Variants in BTAF1 observed in about 807,000 individuals in gnomAD.
BTAF1 encodes B-TFIID TATA-box binding protein associated factor 1, also known as TATA-binding protein-associated factor 172.
BTAF1 carries 38 observed loss-of-function variants against 227.1 expected under a neutral mutation model. The observed-to-expected ratio is 0.17, with a 90% CI of 0.13 to 0.22. The LOEUF (loss-of-function observed/expected upper bound fraction) is 0.22, where lower values mean the gene tolerates loss of function less well. Ranked by LOEUF, BTAF1 falls within the 10% of genes least tolerant of loss-of-function variation. The pLI, the probability that BTAF1 is intolerant of heterozygous loss-of-function variation, is 1.00. For missense variants in BTAF1, 1,598 were observed against 2,204.0 expected (o/e 0.73, Z 5.51); for synonymous variants, 742 against 751.9 (o/e 0.99, Z 0.21).
chr10:91,957,395 T>C, intron 8 of BTAF1, 102 bp downstream of exon 8: 1 of 929,434 alleles, frequency 1.1e-6, no homozygotes, highest in Non-Finnish European at 1.6e-6. Flanking sequence ...TATTCTTCTC[T>C]GTTTGTCTCA....
intron 32 of BTAF1, among the ~76,000 whole-genome samples, chr10:92,015,361 A>G (rs1250009662): frequency 6.6e-6 from 1 of 152,206 alleles, no homozygotes; most frequent in Non-Finnish European, 1.5e-5. Context: ...GGTCAAATGA[A>G]TAAGAGATAT....
intron 34 of BTAF1, among the ~76,000 whole-genome samples, chr10:92,022,436 CCTAGAGAGAGGGTCTTACCCTGTCACTCA>C (rs1284344445): frequency 2.0e-5 from 3 of 151,618 alleles, no homozygotes; most frequent in Non-Finnish European, 4.4e-5. Context: ...TTTTTCTTCT[CCTAGAGAGAGGGTCTTACCCTGTCACTCA>C]GGCTGGAGTA....
chr10:91,935,648 T>C lies in BTAF1; in HGVS notation c.15-9T>C. ...TTTGAGAATAACCATTGTATTTTTG[T>C]TATTTCAGGCTAGATCGCCTTTTTA... On this transcript the variant is annotated splice_polypyrimidine_tract_variant and intron_variant, in intron 1 of 37. Transcript: ENST00000265990. 5 of 1,610,570 alleles carry C rather than the reference T, an allele frequency of 3.1e-6. No individual in the cohort carries two copies. Among genetic ancestry groups the C allele is most frequent in the Non-Finnish European group, 4.2e-6 (5 of 1,178,350 alleles).
rs11406652 is a variant in BTAF1 at position 92,019,891 on chromosome 10, GT to G, written c.4863+971del. Among the ~76,000 whole-genome samples the G allele has an allele frequency of 2.2e-3, 300 of 139,372 alleles. 2 individuals carry two copies. Among genetic ancestry groups the G allele is most frequent in the African/African-American group, 7.5e-3 (281 of 37,670 alleles). 91.4% of individuals were successfully genotyped at this position (139,372 alleles called of 152,430 possible). On this transcript the variant is annotated intron_variant, in intron 34 of 37. Transcript: ENST00000265990. ...GTGAAAGTTTTGTTTTGTTGTTGCT[GT>G]TTTTTTTTTTTTTTAATGGGGGTCT...
At position 91,947,142 on chromosome 10, in the gene BTAF1, C is replaced by G. The variant is rs184223610; in HGVS notation, c.401-4261C>G. Reference sequence around the variant, plus strand: ...ACAGGCATGAGCCATCACCCCCAGCCTGATTTACACATATTTTCTACTGCT... The same window carrying G: ...ACAGGCATGAGCCATCACCCCCAGCGTGATTTACACATATTTTCTACTGCT... On this transcript the variant is annotated intron_variant, in intron 4 of 37. Transcript: ENST00000265990. Among the ~76,000 whole-genome samples the G allele has an allele frequency of 2.6e-5, 4 of 152,296 alleles. No individual in the cohort carries two copies. The East Asian group carries it at 5.8e-4, about 22-fold the overall frequency.
intron 24 of BTAF1, among the ~76,000 whole-genome samples, chr10:91,996,863 T>G (rs1316807977): frequency 6.6e-6 from 1 of 152,218 alleles, no homozygotes; most frequent in Non-Finnish European, 1.5e-5. Flanking sequence ...ATGAACTATA[T>G]GTCTAGTAAG....
intron 1 of BTAF1, among the ~76,000 whole-genome samples, chr10:91,928,988 A>G (rs1015820367): frequency 3.3e-5 from 5 of 151,768 alleles, no homozygotes; most frequent in Non-Finnish European, 7.4e-5. Flanking sequence ...TTTTTTTTGT[A>G]TATTTTGTAG....
At chr10:91,960,948 T>G in intron 11 of BTAF1, among the ~76,000 whole-genome samples, 1 of 152,208 alleles carries the variant, frequency 6.6e-6, no homozygotes, top group East Asian at 1.9e-4. Context: ...ATATCTAAAG[T>G]CCTTTACTAA....
chr10:91,987,210 G>A (rs537975568), intron 19 of BTAF1, among the ~76,000 whole-genome samples: 68 of 151,114 alleles, frequency 4.5e-4, no homozygotes, highest in South Asian at 2.1e-3. Flanking sequence ...TAGGCCGGGC[G>A]CAGTGGCTCA....
intron 4 of BTAF1, among the ~76,000 whole-genome samples, chr10:91,948,369 CTATTTATT>C (rs59744946): frequency 7.3e-4 from 105 of 143,116 alleles, no homozygotes; most frequent in East Asian, 1.6e-3. Context: ...AGTTTTAGAA[CTATTTATT>C]TATTTATTTA....
chr10:92,017,150 G>A (rs1445386913), intron 33 of BTAF1, among the ~76,000 whole-genome samples: 1 of 152,168 alleles, frequency 6.6e-6, no homozygotes, highest in Non-Finnish European at 1.5e-5. Flanking sequence ...TTATGTGTAA[G>A]ACAAAGCCAA....
Position 91,993,816 on chromosome 10 carries a change from A to T in BTAF1, c.3168A>T (p.Pro1056=). The change falls in exon 22 of 38, where the codon CCA becomes CCT. Residue 1056 remains proline (P), a synonymous_variant. Coordinates refer to ENST00000265990, the MANE Select transcript of BTAF1 (RefSeq NM_003972.3). ...LPHLWDAMVG[P]LRNTIDINNF... is the part of the protein sequence containing the mutation. Reference sequence around the variant, plus strand: ...ATCTCTGGGATGCTATGGTTGGCCCATTGAGGAATACAATCGACATAAATA... The same window carrying T: ...ATCTCTGGGATGCTATGGTTGGCCCTTTGAGGAATACAATCGACATAAATA... 1 of 1,604,052 alleles carries T rather than the reference A, an allele frequency of 6.2e-7. No individual in the cohort carries two copies. Among genetic ancestry groups the T allele is most frequent in the East Asian group, 2.2e-5 (1 of 44,770 alleles).
chr10:91,983,742 G>C (rs546366110), intron 18 of BTAF1, among the ~76,000 whole-genome samples: 15 of 152,140 alleles, frequency 9.9e-5, no homozygotes, highest in Admixed American at 9.8e-4. Context: ...AGAGTGGGAA[G>C]GGTTAGTTAA....
intron 37 of BTAF1, among the ~76,000 whole-genome samples, chr10:92,027,775 G>C (rs1373033427): frequency 6.6e-6 from 1 of 152,112 alleles, no homozygotes; most frequent in African/African-American, 2.4e-5. Context: ...TAATACATCA[G>C]ATAACAATCT....
chr10:91,929,002 T>C (rs1236998441), intron 1 of BTAF1, among the ~76,000 whole-genome samples: 1 of 151,934 alleles, frequency 6.6e-6, no homozygotes, highest in Non-Finnish European at 1.5e-5. Context: ...TTTGTAGAAG[T>C]GGGGTTTCAT....
At position 91,958,617 on chromosome 10, in the gene BTAF1, C is replaced by T. The variant is rs930844411; in HGVS notation, c.901-448C>T. On this transcript the variant is annotated intron_variant, in intron 8 of 37. Coordinates refer to ENST00000265990, the MANE Select transcript of BTAF1 (RefSeq NM_003972.3). ...CTTGGGGGGCTTGAGGCAGGAGAAT[C>T]GCTTGAACCCGGGAGGCGGAGGTTG... is the stretch of plus-strand genomic sequence containing the variant. 5.3e-5 allele frequency among the ~76,000 whole-genome samples: 8 copies of T among 152,058 alleles called. No homozygotes were observed. In the East Asian group the frequency reaches 5.9e-4, roughly 11 times the overall value.
intron 17 of BTAF1, 45 bp from the exon 18 acceptor site, chr10:91,982,542 A>T (rs1291487765): frequency 1.6e-5 from 24 of 1,538,668 alleles, no homozygotes; most frequent in Non-Finnish European, 2.1e-5. Context: ...GGGAAACTTT[A>T]CTTCAAGTAA....
At chr10:91,988,515 G>A (rs547847849) in intron 19 of BTAF1, among the ~76,000 whole-genome samples, 29 of 152,336 alleles carry the variant, frequency 1.9e-4, no homozygotes, top group African/African-American at 7.0e-4. Flanking sequence ...AATGGGGCTT[G>A]CAAAGTAGTC....
At position 91,992,235 on chromosome 10, in the gene BTAF1, C is replaced by T; in HGVS notation, c.2971C>T (p.Pro991Ser). The change falls in exon 21 of 38, where the codon CCC becomes TCC. Residue 991 changes from proline (P) to serine (S), a missense_variant. Physicochemically the swap from Pro to Ser is moderately conservative, Grantham distance 74. Around this residue, in one of 10 missense-constraint regions of BTAF1, gnomAD observed 425 missense variants for 491.2 expected, o/e 0.87. Coordinates refer to ENST00000265990, the MANE Select transcript of BTAF1 (RefSeq NM_003972.3). ...FAITSRRGPTPKAVKAQIADL... is the reference protein window; with the variant it reads ...FAITSRRGPTSKAVKAQIADL... ...TATCACAAGTAGGCGAGGTCCTACC[C>T]CCAAAGCAGTAAAAGCTCAAATAGC... 1 of 1,613,780 alleles carries T rather than the reference C, an allele frequency of 6.2e-7. No individual in the cohort carries two copies. Among genetic ancestry groups the T allele is most frequent in the South Asian group, 1.1e-5 (1 of 91,048 alleles).
Sources: gnomAD v4.1 joint callset for allele counts (sites outside exome capture counted in the v4.1 genomes callset) on GRCh38, gnomAD v4.1.1 for gene constraint, gnomAD v4.1.1 regional missense constraint, MANE v1.5 for transcripts, NCBI Gene and HGNC (gene_info 2026-07-23, HGNC 2026-07-21) for gene names.